The following PRIM2 variants were observed in gnomAD, a reference collection of about 807,000 sequenced individuals.
PRIM2 encodes the protein DNA primase large subunit.
PRIM2 carries 39 observed loss-of-function variants against 67.3 expected under a neutral mutation model. That is an observed-to-expected ratio of 0.58 (90% confidence interval 0.45 to 0.76). The LOEUF (loss-of-function observed/expected upper bound fraction) is 0.76. PRIM2 is among the 30% of genes least tolerant of loss of function. PRIM2 has a pLI of 0.00. For missense variants in PRIM2, 398 were observed against 598.7 expected (o/e 0.66, Z 3.50); for synonymous variants, 143 against 198.7 (o/e 0.72, Z 2.36).
intron 10 of PRIM2, among the ~76,000 whole-genome samples, chr6:57,600,829 A>G (rs1330802062): frequency 6.6e-6 from 1 of 152,226 alleles, no homozygotes; most frequent in African/African-American, 2.4e-5. Flanking sequence ...GATTTTCTTT[A>G]TCTTTAAACG....
chr6:57,590,840 GA>G (rs1381807939), intron 10 of PRIM2, among the ~76,000 whole-genome samples: 1 of 152,166 alleles, frequency 6.6e-6, no homozygotes, highest in African/African-American at 2.4e-5. Flanking sequence ...TTGTGAAAAT[GA>G]GCTAACTTAA....
chr6:57,289,097 G>A, the PRIM2 span, among the ~76,000 whole-genome samples: 47 of 152,320 alleles, frequency 3.1e-4, 1 homozygote, highest in African/African-American at 1.0e-3. Context: ...AAACAGTTTA[G>A]AGAAGGCCTT....
chr6:57,282,236 C>T, the PRIM2 span, among the ~76,000 whole-genome samples: 1 of 152,188 alleles, frequency 6.6e-6, no homozygotes, highest in East Asian at 1.9e-4. Context: ...ATATCTTCTC[C>T]CTTCTTATGT....
chr6:57,244,294 A>G, the PRIM2 span, among the ~76,000 whole-genome samples: 1 of 152,212 alleles, frequency 6.6e-6, no homozygotes, highest in Non-Finnish European at 1.5e-5. Context: ...TTTGCACCAA[A>G]GGCTGTATCT....
chr6:57,609,012 T>C (rs1376052177), intron 12 of PRIM2, among the ~76,000 whole-genome samples: 1 of 152,230 alleles, frequency 6.6e-6, no homozygotes, highest in African/African-American at 2.4e-5. Context: ...TCTTTCCCAA[T>C]AGTTTGTGAG....
the PRIM2 span, among the ~76,000 whole-genome samples, chr6:57,303,961 GA>G: frequency 2.0e-5 from 3 of 152,082 alleles, no homozygotes; most frequent in Non-Finnish European, 2.9e-5. Flanking sequence ...ATTGTTGGGG[GA>G]AAAACATCCA....
chr6:57,229,525 T>G, the PRIM2 span, among the ~76,000 whole-genome samples: 2 of 152,142 alleles, frequency 1.3e-5, no homozygotes, highest in South Asian at 4.1e-4. Context: ...TCTCGCTCTG[T>G]TGCCCAGGCT....
chr6:57,509,894 A>G lies in PRIM2; in HGVS notation c.761+2440A>G, dbSNP rs1554347545. 1.3e-3 allele frequency among the ~76,000 whole-genome samples: 191 copies of G among 150,388 alleles called. 5 individuals are homozygous for G. The East Asian group carries it at 0.016, about 13-fold the overall frequency. On this transcript the variant is annotated intron_variant, in intron 8 of 13. Coordinates refer to ENST00000615550, the MANE Select transcript of PRIM2 (RefSeq NM_000947.5). ...ATGTAAATATATATTTTAGAAATAT[A>G]TAAAGTATATTGTAGATGTATATAC...
chr6:57,301,100 T>C, the PRIM2 span, among the ~76,000 whole-genome samples: 190 of 152,322 alleles, frequency 1.2e-3, 1 homozygote, highest in African/African-American at 4.4e-3. Context: ...CTTCTTTTAT[T>C]ATCCTTCCTA....
intron 7 of PRIM2, among the ~76,000 whole-genome samples, chr6:57,394,463 G>A (rs1022993067): frequency 6.6e-6 from 1 of 152,046 alleles, no homozygotes; most frequent in African/African-American, 2.4e-5. Flanking sequence ...TTGAATCTCT[G>A]CTTGGTTGCT....
chr6:57,639,710 A>T (rs1343848029), intron 13 of PRIM2, among the ~76,000 whole-genome samples: 2 of 150,034 alleles, frequency 1.3e-5, no homozygotes, highest in Non-Finnish European at 3.0e-5. Flanking sequence ...TGAATAGACT[A>T]ATAACAGGTT....
intron 5 of PRIM2, among the ~76,000 whole-genome samples, chr6:57,375,910 A>C (rs565841818): frequency 1.3e-5 from 2 of 152,130 alleles, no homozygotes; most frequent in South Asian, 4.2e-4. Flanking sequence ...TGTCTCTATA[A>C]AAAATTTAAA....
In PRIM2 at chr6:57,340,009, AG is replaced by A. The variant is rs199675512; in HGVS notation, c.459+13966del. Among the ~76,000 whole-genome samples the A allele has an allele frequency of 8.6e-5, 13 of 151,780 alleles. 1 individual carries two copies. Among genetic ancestry groups the A allele is most frequent in the African/African-American group, 2.9e-4 (12 of 41,358 alleles). ...TACAATGAACTCAAACAAATTTATG[AG>A]GAAAAAAAAACAACCCCATCAAAAA... On this transcript the variant is annotated intron_variant, in intron 5 of 13. Coordinates refer to ENST00000615550, the MANE Select transcript of PRIM2 (RefSeq NM_000947.5).
At chr6:57,392,781 C>T (rs530266430) in intron 7 of PRIM2, among the ~76,000 whole-genome samples, 1 of 151,960 alleles carries the variant, frequency 6.6e-6, no homozygotes, top group African/African-American at 2.4e-5. Context: ...ACCCATCACC[C>T]GAGCAGTATA....
At chr6:57,434,770 CTT>C (rs1393699877) in intron 7 of PRIM2, among the ~76,000 whole-genome samples, 4 of 151,696 alleles carry the variant, frequency 2.6e-5, no homozygotes, top group Middle Eastern at 3.2e-3. Context: ...CTCTCTCTCT[CTT>C]TTTTACTTTT....
intron 7 of PRIM2, among the ~76,000 whole-genome samples, chr6:57,472,362 G>A (rs1346775187): frequency 0.098 from 14,740 of 150,684 alleles, 817 homozygotes; most frequent in Middle Eastern, 0.14. Flanking sequence ...CCCGGTAGGC[G>A]GAAGTTGCAG....
chr6:57,240,091 G>GTTTTTTTTTTTTTTTTTTTTTTT, the PRIM2 span, among the ~76,000 whole-genome samples: 3 of 90,006 alleles, frequency 3.3e-5, no homozygotes, highest in South Asian at 4.5e-4. Context: ...TCAATAATCT[G>GTTTTTTTTTTTTTTTTTTTTTTT]TTTTTTTTTT....
Position 57,646,110 on chromosome 6 carries a change from G to A in PRIM2, c.1482G>A (p.Leu494=), listed in dbSNP as rs2127503404. The change falls in exon 14 of 14, where the codon CTG becomes CTA. Residue 494 remains leucine, a synonymous_variant. Transcript: ENST00000615550. ...SSALASLNSS[L]EMDMEGLEDY... ...CTCTGGCCTCTTTAAATTCCTCTCT[G>A]GAAATGGATATGGAAGGACTAGAAG... is the stretch of plus-strand genomic sequence containing the variant. 2.5e-6 allele frequency: 4 copies of A among 1,599,784 alleles called. No individual in the cohort carries two copies. The South Asian group carries it at 3.3e-5, about 13-fold the overall frequency.
chr6:57,348,504 C>A (rs1768750946), intron 5 of PRIM2, among the ~76,000 whole-genome samples: 1 of 152,026 alleles, frequency 6.6e-6, no homozygotes, highest in Non-Finnish European at 1.5e-5. Flanking sequence ...AGAGGAAAGC[C>A]TACTGTTTCA....
Sources: allele counts gnomAD v4.1 joint callset (sites outside exome capture counted in the v4.1 genomes callset), GRCh38; gene constraint gnomAD v4.1.1; transcripts MANE v1.5; gene names NCBI Gene and HGNC (gene_info 2026-07-23, HGNC 2026-07-21).